Variants in PSMA3 observed in about 807,000 individuals in gnomAD.
PSMA3 encodes proteasome subunit alpha type-3.
In PSMA3, 8 loss-of-function variants were observed where a neutral mutation model predicts 40.0. The ratio of observed to expected loss-of-function variants is 0.20; its 90% CI spans 0.12 to 0.36. The LOEUF is 0.36. PSMA3 is among the 10% of genes least tolerant of loss of function. The probability of loss-of-function intolerance (pLI) is 1.00; values close to 1 mark genes in which losing one functional copy is unlikely to be tolerated. For missense variants in PSMA3, 219 were observed against 310.6 expected (o/e 0.70, Z 2.22); for synonymous variants, 110 against 100.0 (o/e 1.10, Z -0.59).
intron 3 of PSMA3, among the ~76,000 whole-genome samples, chr14:58,254,335 T>TAA (rs1890091548): frequency 9.5e-6 from 1 of 105,412 alleles, no homozygotes; most frequent in Non-Finnish European, 1.9e-5. Flanking sequence ...TATGCATGCA[T>TAA]ATATATATGT....
intron 1 of PSMA3, chr14:58,245,175 C>A: frequency 1.8e-6 from 1 of 558,558 alleles, no homozygotes. Flanking sequence ...GGCTTGGCGT[C>A]GCCGCAGTGA....
At chr14:58,254,115 C>T (rs971061894) in intron 3 of PSMA3, among the ~76,000 whole-genome samples, 1 of 151,228 alleles carries the variant, frequency 6.6e-6, no homozygotes, top group Non-Finnish European at 1.5e-5. Flanking sequence ...TCCATGAATT[C>T]TCATCATTTA....
chr14:58,263,894 A>G (rs1890357663), intron 7 of PSMA3, 124 bp downstream of exon 7: 1 of 789,958 alleles, frequency 1.3e-6, no homozygotes. Flanking sequence ...CCACACATAA[A>G]ATACACCAAC....
At chr14:58,258,228 A>G (rs1304834245) in intron 5 of PSMA3, 2 of 447,012 alleles carry the variant, frequency 4.5e-6, no homozygotes, top group Admixed American at 3.3e-5. Flanking sequence ...CCTCGCGCCC[A>G]GGAGTATGAG....
chr14:58,250,220 CAAAAA>C (rs10634649), intron 2 of PSMA3, among the ~76,000 whole-genome samples: 4 of 93,050 alleles, frequency 4.3e-5, no homozygotes, highest in South Asian at 3.9e-4. Flanking sequence ...ACTCCATCTC[CAAAAA>C]AAAAAAAAAA....
rs117854830 is a variant in PSMA3 at position 58,264,435 on chromosome 14, G to A, written c.543+665G>A. ...GTGAAAAAGTTTTCTTAAAAACTTGGTTTTCCTTTTAGCCATGCGTTGATC... is the reference window on the plus strand; with the variant it reads ...GTGAAAAAGTTTTCTTAAAAACTTGATTTTCCTTTTAGCCATGCGTTGATC... On this transcript the variant is annotated intron_variant, in intron 7 of 10. Transcript: ENST00000216455. 7.8e-3 allele frequency among the ~76,000 whole-genome samples: 1,188 copies of A among 152,206 alleles called. 3 individuals carry two copies. Among genetic ancestry groups the A allele is most frequent in the Non-Finnish European group, 0.012 (835 of 67,990 alleles).
chr14:58,263,622 C>T, intron 6 of PSMA3, 83 bp from the exon 7 acceptor site: 1 of 1,073,832 alleles, frequency 9.3e-7, no homozygotes, highest in Non-Finnish European at 1.3e-6. Context: ...CATCCTTTCA[C>T]TAGGTTATAG....
rs1270782914 is a variant in PSMA3, at chr14:58,263,851, G to A, written c.543+81G>A. On this transcript the variant is annotated intron_variant, in intron 7 of 10. Coordinates refer to ENST00000216455, the MANE Select transcript of PSMA3 (RefSeq NM_002788.4). ...TATCACCACAGACATTTCAGTCTAA[G>A]GCAGGGATGTCCAATCATTTGGCTT... 3 of 1,288,302 alleles carry A rather than the reference G, an allele frequency of 2.3e-6. No individual in the cohort carries two copies. The African/African-American group carries it at 4.4e-5, about 19-fold the overall frequency. 79.8% of individuals were successfully genotyped at this position (1,288,302 alleles called of 1,614,324 possible).
Position 58,267,508 on chromosome 14 carries a change from A to T in PSMA3, c.578A>T (p.Glu193Val), listed in dbSNP as rs1216223966. The change falls in exon 8 of 11, where the codon GAA (glutamate) becomes GTA (valine). Residue 193 changes from glutamate to valine, a missense_variant. Glu to Val is a moderately radical substitution (Grantham distance 121). Coordinates refer to ENST00000216455, the MANE Select transcript of PSMA3 (RefSeq NM_002788.4). Reference protein sequence around the residue: ...KEMTCRDIVKEVAKIIYIVHD... With the variant: ...KEMTCRDIVKVVAKIIYIVHD... ...ATGACCTGCCGTGATATCGTTAAAG[A>T]AGTTGCAAAAATGTAAGTTGAAATT... 4.4e-6 allele frequency: 7 copies of T among 1,576,296 alleles called. No homozygotes were observed. The highest frequency in any genetic ancestry group is 4.1e-5 in the African/African-American group (3 of 73,270).
chr14:58,263,678 T>C (rs756169743), intron 6 of PSMA3, 27 bp from the exon 7 acceptor site: 5 of 1,566,322 alleles, frequency 3.2e-6, no homozygotes, highest in Non-Finnish European at 4.4e-6. Flanking sequence ...ACTAATTCAG[T>C]GATTATATAT....
At chr14:58,252,344 G>C in intron 3 of PSMA3, 102 bp downstream of exon 3, 1 of 1,403,634 alleles carries the variant, frequency 7.1e-7, no homozygotes, top group Non-Finnish European at 9.6e-7. Context: ...ATCAGAGCAA[G>C]TTACTGCATT....
At chr14:58,249,695 AG>A (rs958251952) in intron 2 of PSMA3, among the ~76,000 whole-genome samples, 18 of 151,954 alleles carry the variant, frequency 1.2e-4, no homozygotes, top group Non-Finnish European at 2.4e-4. Flanking sequence ...TTGTAGAGAC[AG>A]GGTTTCACCA....
intron 8 of PSMA3, chr14:58,269,767 A>G (rs1890559928): frequency 6.6e-6 from 1 of 152,138 alleles, no homozygotes; most frequent in Non-Finnish European, 1.5e-5. Context: ...AAGTTAATGG[A>G]CAAAATATTC....
intron 1 of PSMA3, among the ~76,000 whole-genome samples, chr14:58,247,201 G>A (rs962961241): frequency 6.6e-6 from 1 of 152,204 alleles, no homozygotes; most frequent in Non-Finnish European, 1.5e-5. Flanking sequence ...GATGTAGTCT[G>A]TAGTAGTTCA....
intron 3 of PSMA3, 84 bp downstream of exon 3, chr14:58,252,326 C>A (rs1336637898): frequency 2.0e-6 from 3 of 1,476,116 alleles, no homozygotes; most frequent in Non-Finnish European, 1.8e-6. Flanking sequence ...TGTGCAGTCA[C>A]AAAAGTAATC....
chr14:58,257,862 A>T lies in PSMA3; in HGVS notation c.330+16A>T, dbSNP rs758888522. ...TCCACTAAAAGTAAGTTGATAACATATTGAGGAACCTTTTGGACAGTAATA... is the reference window on the plus strand; with the variant it reads ...TCCACTAAAAGTAAGTTGATAACATTTTGAGGAACCTTTTGGACAGTAATA... On this transcript the variant is annotated intron_variant, in intron 4 of 10. Coordinates refer to ENST00000216455, the MANE Select transcript of PSMA3 (RefSeq NM_002788.4). 2.5e-6 allele frequency: 4 copies of T among 1,612,110 alleles called. No individual in the cohort carries two copies. The East Asian group carries it at 6.7e-5, about 27-fold the overall frequency.
intron 2 of PSMA3, among the ~76,000 whole-genome samples, chr14:58,250,508 A>G (rs1229920017): frequency 6.6e-6 from 1 of 152,206 alleles, no homozygotes; most frequent in Non-Finnish European, 1.5e-5. Context: ...AGTAGAGTAC[A>G]GAATTTATAA....
intron 6 of PSMA3, among the ~76,000 whole-genome samples, chr14:58,261,618 G>C (rs1433208839): frequency 1.3e-5 from 2 of 151,938 alleles, no homozygotes; most frequent in African/African-American, 2.4e-5. Flanking sequence ...TCTTAAAACT[G>C]TATTTAATGT....
intron 1 of PSMA3, among the ~76,000 whole-genome samples, chr14:58,246,998 T>A (rs1310380175): frequency 6.6e-6 from 1 of 152,224 alleles, no homozygotes; most frequent in Non-Finnish European, 1.5e-5. Context: ...AGTTTACTCT[T>A]CTTTCTGCTG....
Sources: allele counts gnomAD v4.1 joint callset (sites outside exome capture counted in the v4.1 genomes callset), GRCh38; gene constraint gnomAD v4.1.1; transcripts MANE v1.5; gene names NCBI Gene and HGNC (gene_info 2026-07-23, HGNC 2026-07-21).